CCDC73: variants seen among roughly 807,000 people sequenced by gnomAD.
CCDC73 encodes the protein coiled-coil domain containing 73.
A neutral mutation model predicts 116.5 loss-of-function variants in CCDC73; 95 were observed. The ratio of observed to expected loss-of-function variants is 0.82; its 90% CI spans 0.69 to 0.97. CCDC73 has a LOEUF of 0.97. Among genes scored for constraint, CCDC73 ranks in the 50% least tolerant of loss-of-function variants. The probability of loss-of-function intolerance (pLI) is 0.00; values close to 1 mark genes in which losing one functional copy is unlikely to be tolerated. For synonymous variants in CCDC73, 398 were observed against 401.3 expected (o/e 0.99, Z 0.10); for missense variants, 1,066 against 1,206.8 (o/e 0.88, Z 1.73).
At chr11:32,704,396 G>A (rs1849838551) in intron 3 of CCDC73, among the ~76,000 whole-genome samples, 2 of 152,212 alleles carry the variant, frequency 1.3e-5, no homozygotes, top group African/African-American at 4.8e-5. Flanking sequence ...ACAAGTATGC[G>A]CACACTCGGG....
intron 3 of CCDC73, among the ~76,000 whole-genome samples, chr11:32,707,932 C>G (rs1163899148): frequency 6.6e-6 from 1 of 152,062 alleles, no homozygotes; most frequent in Non-Finnish European, 1.5e-5. Flanking sequence ...AATTTTGTGG[C>G]TTAAAAATAA....
At chr11:32,625,172 T>C (rs1855558638) in intron 14 of CCDC73, among the ~76,000 whole-genome samples, 1 of 152,198 alleles carries the variant, frequency 6.6e-6, no homozygotes, top group Admixed American at 6.5e-5. Context: ...CCTATGTGTG[T>C]CTCTGCACGT....
At chr11:32,674,620 T>A (rs991077418) in intron 9 of CCDC73, among the ~76,000 whole-genome samples, 5 of 149,822 alleles carry the variant, frequency 3.3e-5, no homozygotes, top group African/African-American at 1.2e-4. Flanking sequence ...CAATCTGGCA[T>A]CCACATTGTC....
chr11:32,757,652 C>T (rs180845753), intron 2 of CCDC73, among the ~76,000 whole-genome samples: 101 of 152,298 alleles, frequency 6.6e-4, no homozygotes, highest in African/African-American at 2.4e-3. Context: ...CCAGCTTCCA[C>T]TTACATATGC....
chr11:32,789,826 G>A (rs1249550930), intron 1 of CCDC73, among the ~76,000 whole-genome samples: 5 of 151,978 alleles, frequency 3.3e-5, no homozygotes, highest in South Asian at 4.2e-4. Context: ...AGAGAGATAC[G>A]GATATACAAA....
chr11:32,722,690 C>T (rs1468734884), intron 2 of CCDC73, among the ~76,000 whole-genome samples: 2 of 152,190 alleles, frequency 1.3e-5, no homozygotes, highest in East Asian at 3.9e-4. Flanking sequence ...AGCAGTTGGA[C>T]TGAAAATGTA....
chr11:32,603,134 T>A (rs1565052868), intron 17 of CCDC73, 114 bp from the exon 18 acceptor site: 2 of 761,284 alleles, frequency 2.6e-6, no homozygotes, highest in Non-Finnish European at 4.2e-6. Context: ...CTTGGCTGAT[T>A]TCCACTACCT....
chr11:32,757,733 G>A (rs749374947), intron 2 of CCDC73, among the ~76,000 whole-genome samples: 41 of 151,934 alleles, frequency 2.7e-4, no homozygotes, highest in Non-Finnish European at 4.9e-4. Context: ...CTTTCTCTTC[G>A]ACTATAACCT....
intron 9 of CCDC73, among the ~76,000 whole-genome samples, chr11:32,656,526 C>A (rs912209008): frequency 3.9e-5 from 6 of 152,182 alleles, no homozygotes; most frequent in Non-Finnish European, 7.3e-5. Flanking sequence ...AGGACTACTG[C>A]AAATCCATCT....
chr11:32,617,059 G>C (rs2133223756), intron 14 of CCDC73, among the ~76,000 whole-genome samples: 1 of 152,296 alleles, frequency 6.6e-6, no homozygotes, highest in Admixed American at 6.5e-5. Flanking sequence ...GCAAGATTAA[G>C]AGTATATTTA....
chr11:32,783,292 C>T (rs998350706), intron 1 of CCDC73, among the ~76,000 whole-genome samples: 1 of 152,136 alleles, frequency 6.6e-6, no homozygotes, highest in Non-Finnish European at 1.5e-5. Context: ...ATTTTAACAG[C>T]CATGTCAACA....
intron 6 of CCDC73, 110 bp from the exon 7 acceptor site, chr11:32,683,684 C>A: frequency 1.6e-6 from 1 of 639,504 alleles, no homozygotes; most frequent in East Asian, 2.7e-5. Flanking sequence ...TTCTATGTAC[C>A]ATTATTGATT....
At chr11:32,642,777 T>C (rs1210732774) in intron 12 of CCDC73, among the ~76,000 whole-genome samples, 1 of 151,870 alleles carries the variant, frequency 6.6e-6, no homozygotes, top group Non-Finnish European at 1.5e-5. Context: ...ATAGAACTCC[T>C]ACCTACATGC....
chr11:32,648,923 G>A (rs945561482), intron 12 of CCDC73, among the ~76,000 whole-genome samples: 1 of 152,220 alleles, frequency 6.6e-6, no homozygotes, highest in African/African-American at 2.4e-5. Flanking sequence ...ATTCTATTAG[G>A]AAATTATTTG....
chr11:32,614,874 T>A lies in CCDC73; in HGVS notation c.1444A>T (p.Ser482Cys). ...DTVVSQDENQSEISLSKTLSL... is the reference protein window; with the variant it reads ...DTVVSQDENQCEISLSKTLSL... ...AGGGTTTTGCTTAAGGAGATTTCAC[T>A]TTGATTTTCATCCTGAGAAACAACA... The change falls in exon 16 of 18, where the codon AGT (serine) becomes TGT (cysteine). Residue 482 changes from serine (S) to cysteine (C), a missense_variant. Coordinates refer to ENST00000335185, the MANE Select transcript of CCDC73 (RefSeq NM_001008391.4). The A allele has an allele frequency of 6.2e-7, 1 of 1,612,100 alleles. No homozygotes were observed. Among genetic ancestry groups the A allele is most frequent in the Non-Finnish European group, 8.5e-7 (1 of 1,179,316 alleles).
At chr11:32,616,817 G>C (rs996117183) in intron 14 of CCDC73, among the ~76,000 whole-genome samples, 13 of 152,188 alleles carry the variant, frequency 8.5e-5, no homozygotes, top group Non-Finnish European at 2.9e-5. Context: ...ATGAAGATAA[G>C]AAAATAAGTA....
chr11:32,823,685 A>G, the CCDC73 span, among the ~76,000 whole-genome samples: 2 of 152,130 alleles, frequency 1.3e-5, no homozygotes, highest in Non-Finnish European at 2.9e-5. Flanking sequence ...ATCACCTGAT[A>G]ACACAGGAAT....
intron 9 of CCDC73, among the ~76,000 whole-genome samples, chr11:32,669,102 T>C (rs1002206352): frequency 6.6e-6 from 1 of 152,136 alleles, no homozygotes; most frequent in East Asian, 1.9e-4. Context: ...AAAACAACTA[T>C]GGATACTGAA....
intron 1 of CCDC73, among the ~76,000 whole-genome samples, chr11:32,763,586 AG>A (rs1237875213): frequency 6.6e-6 from 1 of 152,214 alleles, no homozygotes; most frequent in Admixed American, 6.5e-5. Context: ...ACAAACAGAA[AG>A]GACATCCACA....
Sources: gnomAD v4.1 joint callset for allele counts (sites outside exome capture counted in the v4.1 genomes callset) on GRCh38, gnomAD v4.1.1 for gene constraint, MANE v1.5 for transcripts, NCBI Gene and HGNC (gene_info 2026-07-23, HGNC 2026-07-21) for gene names.